The following IPO7 variants were observed in gnomAD, a reference collection of about 807,000 sequenced individuals.
IPO7 encodes the protein importin-7.
In IPO7, 13 loss-of-function variants were observed where a neutral mutation model predicts 136.4. The observed-to-expected ratio is 0.10, with a 90% CI of 0.06 to 0.15. The LOEUF is 0.15. Among genes scored for constraint, IPO7 ranks in the 10% least tolerant of loss-of-function variants. The pLI, the probability that IPO7 is intolerant of heterozygous loss-of-function variation, is 1.00. For synonymous variants in IPO7, 403 were observed against 404.4 expected (o/e 1.00, Z 0.04); for missense variants, 857 against 1,240.6 (o/e 0.69, Z 4.65).
intron 1 of IPO7, among the ~76,000 whole-genome samples, chr11:9,393,090 G>A (rs1312859131): frequency 6.6e-6 from 1 of 152,138 alleles, no homozygotes; most frequent in Non-Finnish European, 1.5e-5. Flanking sequence ...AGTTTGAGGA[G>A]CTGGTAAACA....
chr11:9,397,341 A>AAAAATATATATATATATATATATATATAT, intron 1 of IPO7, among the ~76,000 whole-genome samples: 1 of 10,760 alleles, frequency 9.3e-5, no homozygotes, highest in Non-Finnish European at 1.8e-4. Context: ...TTTAAAAAAA[A>AAAAATATATATATATATATATATATATAT]ATATATATAT....
chr11:9,438,179 G>A lies in IPO7; in HGVS notation c.2589G>A (p.Pro863=), dbSNP rs150881483. The change falls in exon 22 of 25, where the codon CCG becomes CCA. Residue 863 remains proline, a synonymous_variant. Transcript: ENST00000379719. ...VLNQVSGQIL[P]AFILLFNGLK... Reference sequence around the variant, plus strand: ...ATCAGGTTTCTGGACAGATTTTGCCGGCTTTTATCCTTTTATTTAACGGAT... The same window carrying A: ...ATCAGGTTTCTGGACAGATTTTGCCAGCTTTTATCCTTTTATTTAACGGAT... 1.6e-5 allele frequency: 25 copies of A among 1,610,192 alleles called. No homozygotes were observed. Among genetic ancestry groups the A allele is most frequent in the South Asian group, 6.6e-5 (6 of 90,964 alleles).
At chr11:9,419,257 T>C (rs955590921) in intron 6 of IPO7, among the ~76,000 whole-genome samples, 1 of 151,894 alleles carries the variant, frequency 6.6e-6, no homozygotes, top group Non-Finnish European at 1.5e-5. Flanking sequence ...TAAAAAAATA[T>C]GTCATGGATA....
intron 1 of IPO7, among the ~76,000 whole-genome samples, chr11:9,396,043 T>A (rs562346182): frequency 6.6e-6 from 1 of 152,136 alleles, no homozygotes; most frequent in East Asian, 1.9e-4. Flanking sequence ...CTTTTTTTCA[T>A]CCATTGCACT....
Position 9,420,387 on chromosome 11 carries a change from C to T in IPO7, c.727-24C>T, listed in dbSNP as rs1041675093. The T allele has an allele frequency of 1.0e-5, 15 of 1,432,038 alleles. No individual in the cohort carries two copies. In the East Asian group the frequency reaches 1.4e-4, roughly 13 times the overall value. The allele number at this position is 1,432,038 out of a possible 1,614,324, so 88.7% of individuals were successfully genotyped here. On this transcript the variant is annotated intron_variant, in intron 6 of 24. Coordinates refer to ENST00000379719, the MANE Select transcript of IPO7 (RefSeq NM_006391.3). ...TCCTCCTATATTGTATTATCTCTAT[C>T]ATTAAATAAGTGTCTTTTTAAAGGA...
At position 9,425,207 on chromosome 11, in the gene IPO7, G is replaced by A. The variant is rs779833967; in HGVS notation, c.1280G>A (p.Arg427Gln). ...CTTACAGAACCAAATGCTGACCCTC[G>A]AAAAAAAGATGGAGCCCTGCATATG... ...QILTEPNADP[R>Q]KKDGALHMIG... Residue 427 changes from arginine to glutamine, a missense_variant, in exon 12 of 25, where the codon CGA becomes CAA. Around this residue, in one of 11 missense-constraint regions of IPO7, gnomAD observed 127 missense variants for 222.4 expected, o/e 0.57. Transcript: ENST00000379719. The A allele has an allele frequency of 2.5e-6, 4 of 1,612,102 alleles. No homozygotes were observed. Among genetic ancestry groups the A allele is most frequent in the Admixed American group, 3.3e-5 (2 of 60,010 alleles).
In IPO7 at chr11:9,444,001, G is replaced by A. The variant is rs762487809; in HGVS notation, c.3020-1096G>A. 4.6e-5 allele frequency among the ~76,000 whole-genome samples: 7 copies of A among 151,924 alleles called. 1 individual carries two copies. Among genetic ancestry groups the A allele is most frequent in the Non-Finnish European group, 8.8e-5 (6 of 67,936 alleles). The stretch of plus-strand genomic sequence containing the variant: ...TTTAAAAGTACATTTTAAGCCAGGC[G>A]CGGTGGCTCACGCCTATAATCCCAG... On this transcript the variant is annotated intron_variant, in intron 24 of 24. Coordinates refer to ENST00000379719, the MANE Select transcript of IPO7 (RefSeq NM_006391.3).
intron 22 of IPO7, 116 bp from the exon 23 acceptor site, chr11:9,440,339 G>C: frequency 1.2e-6 from 1 of 803,418 alleles, no homozygotes; most frequent in Non-Finnish European, 2.0e-6. Flanking sequence ...AATTCCTGGA[G>C]CTCTCTCTTG....
rs76628952 is a variant in IPO7 at position 9,441,085 on chromosome 11, T to C, written c.2902+424T>C. ...TTAGCATTTATGGCATATGATCTTA[T>C]AATTCTTTTTTTCCTATATTCTGTG... is the stretch of plus-strand genomic sequence containing the variant. On this transcript the variant is annotated intron_variant, in intron 23 of 24. Transcript: ENST00000379719. Among the ~76,000 whole-genome samples the C allele has an allele frequency of 7.5e-3, 1,144 of 152,352 alleles. 17 individuals are homozygous for C. The highest frequency in any genetic ancestry group is 0.026 in the African/African-American group (1,064 of 41,582).
intron 2 of IPO7, among the ~76,000 whole-genome samples, chr11:9,405,068 TTAAA>T (rs1401770791): frequency 1.3e-5 from 2 of 152,332 alleles, no homozygotes; most frequent in East Asian, 1.9e-4. Flanking sequence ...AATTAATTAA[TTAAA>T]TAACCTGGAC....
At chr11:9,428,840 C>G (rs1855250355) in intron 13 of IPO7, 191 bp from the exon 14 acceptor site, 1 of 785,904 alleles carries the variant, frequency 1.3e-6, no homozygotes, top group Admixed American at 1.7e-5. Flanking sequence ...TCATTCAGAT[C>G]TTGCTATCCA....
At chr11:9,406,520 G>A (rs905271006) in intron 2 of IPO7, among the ~76,000 whole-genome samples, 8 of 151,942 alleles carry the variant, frequency 5.3e-5, no homozygotes, top group African/African-American at 1.9e-4. Context: ...GTACACAATT[G>A]GAAGGAGTTA....
At position 9,438,045 on chromosome 11, in the gene IPO7, GTTTTTTTTTT is replaced by G. The variant is rs202038310; in HGVS notation, c.2490-12_2490-3del. On this transcript the variant is annotated intron_variant, in intron 21 of 24. Coordinates refer to ENST00000379719, the MANE Select transcript of IPO7 (RefSeq NM_006391.3). ...TCTGCTTATTTAAGAAAAGAAAACAGTTTTTTTTTTTTTTTTTTTTTTTTTTTTTTTTAGG... is the reference window on the plus strand; with the variant it reads ...TCTGCTTATTTAAGAAAAGAAAACAGTTTTTTTTTTTTTTTTTTTTTTAGG... The G allele has an allele frequency of 4.2e-4, 464 of 1,093,390 alleles. 3 individuals carry two copies. In the African/African-American group the frequency reaches 8.8e-3, roughly 21 times the overall value. The allele number at this position is 1,093,390 out of a possible 1,614,324, so 67.7% of individuals were successfully genotyped here. A position where few individuals can be genotyped will look rare whatever the true frequency, so the allele number is the denominator to read the frequency against.
chr11:9,425,483 G>A (rs112060488), intron 12 of IPO7, among the ~76,000 whole-genome samples: 2 of 152,158 alleles, frequency 1.3e-5, no homozygotes, highest in African/African-American at 4.8e-5. Flanking sequence ...GCTTATGCCT[G>A]TAATCCCAGC....
intron 24 of IPO7, among the ~76,000 whole-genome samples, chr11:9,444,345 A>T (rs1855498839): frequency 6.6e-6 from 1 of 151,586 alleles, no homozygotes; most frequent in Non-Finnish European, 1.5e-5. Context: ...AATTATCTAT[A>T]GACTTTTTTT....
chr11:9,409,138 T>C (rs1221109079), intron 3 of IPO7, among the ~76,000 whole-genome samples: 3 of 151,564 alleles, frequency 2.0e-5, no homozygotes, highest in African/African-American at 4.9e-5. Flanking sequence ...AGATTGAGTC[T>C]TGTTCTGTCA....
intron 1 of IPO7, among the ~76,000 whole-genome samples, chr11:9,399,209 G>A (rs571277542): frequency 2.0e-5 from 3 of 151,428 alleles, no homozygotes; most frequent in African/African-American, 7.3e-5. Context: ...TGTTGCCCAG[G>A]CTGGAGTACA....
At chr11:9,416,558 T>A (rs1011141268) in intron 5 of IPO7, among the ~76,000 whole-genome samples, 1 of 152,156 alleles carries the variant, frequency 6.6e-6, no homozygotes, top group African/African-American at 2.4e-5. Flanking sequence ...TGTCCTAAAA[T>A]CCCAAATTGG....
chr11:9,425,552 C>T (rs1855192041), intron 12 of IPO7, among the ~76,000 whole-genome samples: 1 of 152,042 alleles, frequency 6.6e-6, no homozygotes, highest in Non-Finnish European at 1.5e-5. Flanking sequence ...ACCAGCCTGG[C>T]CAACATGGTG....
Sources: gnomAD v4.1 joint callset for allele counts (sites outside exome capture counted in the v4.1 genomes callset) on GRCh38, gnomAD v4.1.1 for gene constraint, gnomAD v4.1.1 regional missense constraint, MANE v1.5 for transcripts, NCBI Gene and HGNC (gene_info 2026-07-23, HGNC 2026-07-21) for gene names.